Variants in NCKAP1 observed in about 807,000 individuals in gnomAD.
The protein encoded by NCKAP1 is nck-associated protein 1.
A neutral mutation model predicts 151.2 loss-of-function variants in NCKAP1; 21 were observed. The ratio of observed to expected loss-of-function variants is 0.14; its 90% CI spans 0.10 to 0.20. The LOEUF (loss-of-function observed/expected upper bound fraction) is 0.20. Among genes scored for constraint, NCKAP1 ranks in the 10% least tolerant of loss-of-function variants. The pLI is 1.00. For synonymous variants in NCKAP1, 484 were observed against 451.8 expected (o/e 1.07, Z -0.90); for missense variants, 933 against 1,352.1 (o/e 0.69, Z 4.86).
chr2:183,006,074 T>C (rs928611346), intron 2 of NCKAP1, among the ~76,000 whole-genome samples: 1 of 152,218 alleles, frequency 6.6e-6, no homozygotes, highest in Admixed American at 6.5e-5. Flanking sequence ...CCCCAGTCCA[T>C]ATCATACAGT....
intron 8 of NCKAP1, among the ~76,000 whole-genome samples, 199 bp from the exon 9 acceptor site, chr2:182,989,385 A>T (rs1173187735): frequency 6.6e-6 from 1 of 152,162 alleles, no homozygotes; most frequent in African/African-American, 2.4e-5. Context: ...CTGCAAAACC[A>T]GTTATTTGAA....
intron 26 of NCKAP1, among the ~76,000 whole-genome samples, chr2:182,931,373 A>T (rs1241673351): frequency 1.3e-5 from 2 of 152,104 alleles, no homozygotes; most frequent in Non-Finnish European, 2.9e-5. Context: ...TATCTATATA[A>T]CTGGTTACCT....
In NCKAP1 at chr2:182,925,674, C is replaced by A. The variant is rs370261738; in HGVS notation, c.*28G>T. The stretch of plus-strand genomic sequence containing the variant: ...AGGTAAAACCAAGGCAACAAAAATG[C>A]GTGCTTATCTTGATTAAGTAGGTAA... On this transcript the variant is annotated 3_prime_UTR_variant, in exon 31 of 31. Transcript: ENST00000361354. The A allele has an allele frequency of 2.2e-6, 3 of 1,367,084 alleles. No individual in the cohort carries two copies. Among genetic ancestry groups the A allele is most frequent in the Admixed American group, 2.2e-5 (1 of 44,708 alleles). 84.7% of individuals were successfully genotyped at this position (1,367,084 alleles called of 1,614,324 possible).
At chr2:182,942,006 C>G (rs377666966) in intron 24 of NCKAP1, 64 bp downstream of exon 24, 1 of 1,322,732 alleles carries the variant, frequency 7.6e-7, no homozygotes. Flanking sequence ...AAATTTTGAG[C>G]CAAAGCTAAA....
chr2:183,011,189 G>A (rs1039036575), intron 2 of NCKAP1, among the ~76,000 whole-genome samples: 2 of 152,134 alleles, frequency 1.3e-5, no homozygotes, highest in Non-Finnish European at 2.9e-5. Flanking sequence ...TGCCTAACCG[G>A]ACTCAACAAG....
intron 1 of NCKAP1, among the ~76,000 whole-genome samples, chr2:183,031,601 T>C (rs910276573): frequency 1.2e-4 from 19 of 152,218 alleles, no homozygotes; most frequent in Non-Finnish European, 2.4e-4. Flanking sequence ...ATTTATTAAG[T>C]GTCCACTATG....
In NCKAP1 at chr2:182,924,708, T is replaced by C. The variant is rs1559067440; in HGVS notation, c.*994A>G. On this transcript the variant is annotated 3_prime_UTR_variant, in exon 31 of 31. Transcript: ENST00000361354. ...GTAATTTTATTTTCTAATTTTGGTA[T>C]TTTTTTCAATAAAATGTTTTTTAAA... 1 of 152,178 alleles carries C rather than the reference T, an allele frequency of 6.6e-6. No individual in the cohort carries two copies. The highest frequency in any genetic ancestry group is 2.4e-5 in the African/African-American group (1 of 41,464). 9.4% of individuals were successfully genotyped at this position (152,178 alleles called of 1,614,324 possible). A position where few individuals can be genotyped will look rare whatever the true frequency, so the allele number is the denominator to read the frequency against.
intron 24 of NCKAP1, among the ~76,000 whole-genome samples, chr2:182,940,115 G>A (rs1350816856): frequency 1.3e-5 from 2 of 152,130 alleles, no homozygotes; most frequent in African/African-American, 4.8e-5. Context: ...GAACACTGCA[G>A]CGGATTATTT....
In NCKAP1 at chr2:182,976,943, C is replaced by T; in HGVS notation, c.1432G>A (p.Gly478Arg). 6.5e-7 allele frequency: 1 copy of T among 1,530,374 alleles called. No individual in the cohort carries two copies. The highest frequency in any genetic ancestry group is 1.3e-5 in the South Asian group (1 of 79,010). 94.8% of individuals were successfully genotyped at this position (1,530,374 alleles called of 1,614,324 possible). The change falls in exon 15 of 31, where the codon GGG (glycine) becomes AGG (arginine). Residue 478 changes from glycine to arginine, a missense_variant. By Grantham distance (125) the Gly-to-Arg change is moderately radical (BLOSUM62 -2). Coordinates refer to ENST00000361354, the MANE Select transcript of NCKAP1 (RefSeq NM_013436.5). ...ATTCCTCTGAAATCAAATACTTCCC[C>T]ATCTTCAACTGTAGTAATAGAAAAA... ...TSLSVKQVED[G>R]EVFDFRGMRL...
At chr2:182,972,166 A>G (rs535328526) in intron 15 of NCKAP1, among the ~76,000 whole-genome samples, 3 of 148,262 alleles carry the variant, frequency 2.0e-5, no homozygotes, top group African/African-American at 7.4e-5. Context: ...TCTACGAACT[A>G]TTCAACAGAC....
At chr2:182,973,949 AGCT>A (rs1395351396) in intron 15 of NCKAP1, among the ~76,000 whole-genome samples, 9 of 152,242 alleles carry the variant, frequency 5.9e-5, no homozygotes, top group African/African-American at 1.4e-4. Context: ...TCAGATTTTC[AGCT>A]GCTATTTTTT....
rs1486104943 is a variant in NCKAP1 at position 182,967,290 on chromosome 2, T to C, written c.1554A>G (p.Thr518=). 2 of 1,611,884 alleles carry C rather than the reference T, an allele frequency of 1.2e-6. No individual in the cohort carries two copies. Among genetic ancestry groups the C allele is most frequent in the Admixed American group, 1.7e-5 (1 of 59,864 alleles). The change falls in exon 16 of 31, where the codon ACA becomes ACG. Residue 518 remains threonine (T), a synonymous_variant. Coordinates refer to ENST00000361354, the MANE Select transcript of NCKAP1 (RefSeq NM_013436.5). ...DHRELGKMMN[T]IIFHTKMVDS... ...CTACCATTTTTGTATGAAAAATTAT[T>C]GTATTCATCATCTTTCCAAGTTCTC...
chr2:183,009,425 A>G (rs1009869120), intron 2 of NCKAP1, among the ~76,000 whole-genome samples: 16 of 58,056 alleles, frequency 2.8e-4, no homozygotes, highest in African/African-American at 1.1e-3. Context: ...AGGGAAGGGA[A>G]GGAAGGAAGG....
intron 9 of NCKAP1, 110 bp downstream of exon 9, chr2:182,988,920 G>A (rs1698110805): frequency 1.1e-6 from 1 of 892,162 alleles, no homozygotes; most frequent in Admixed American, 2.7e-5. Context: ...GATGGTATAG[G>A]CTGTATCTTC....
rs894430210 is a variant in NCKAP1 at position 182,920,281 on chromosome 2, C to T, written c.*5421G>A. On this transcript the variant is annotated 3_prime_UTR_variant, in exon 31 of 31. Transcript: ENST00000361354. ...GAACCACTGTGCCTGGCCACCAGTACTTCTTACGTAATACTTGCTGTAGAG... is the reference window on the plus strand; with the variant it reads ...GAACCACTGTGCCTGGCCACCAGTATTTCTTACGTAATACTTGCTGTAGAG... 1 of 152,162 alleles carries T rather than the reference C, an allele frequency of 6.6e-6. No homozygotes were observed. The highest frequency in any genetic ancestry group is 2.4e-5 in the African/African-American group (1 of 41,410). The allele number at this position is 152,162 out of a possible 1,614,324, so 9.4% of individuals were successfully genotyped here.
At chr2:183,016,120 T>C (rs1424707467) in intron 2 of NCKAP1, among the ~76,000 whole-genome samples, 2 of 152,172 alleles carry the variant, frequency 1.3e-5, no homozygotes, top group Non-Finnish European at 2.9e-5. Context: ...AAAATAGAAG[T>C]TCCCTCTGAG....
chr2:182,992,194 T>C (rs1314880664), intron 8 of NCKAP1, among the ~76,000 whole-genome samples: 4 of 152,180 alleles, frequency 2.6e-5, no homozygotes, highest in African/African-American at 9.7e-5. Context: ...AGACTACCTA[T>C]TGAAGAAAAA....
At chr2:183,016,090 A>G (rs963956949) in intron 2 of NCKAP1, among the ~76,000 whole-genome samples, 1 of 152,158 alleles carries the variant, frequency 6.6e-6, no homozygotes, top group Non-Finnish European at 1.5e-5. Context: ...TAGTTCTAGC[A>G]GTAACCTGTA....
Position 183,003,012 on chromosome 2 carries a change from G to T in NCKAP1, c.331C>A (p.Leu111Met). Residue 111 changes from leucine (L) to methionine (M), a missense_variant, in exon 4 of 31, where the codon CTG becomes ATG. By Grantham distance (15) the Leu-to-Met change is conservative (BLOSUM62 2). Coordinates refer to ENST00000361354, the MANE Select transcript of NCKAP1 (RefSeq NM_013436.5). ...ACTTGGCAAACGTCAATAGTATTCAGCAATTCACAAACATGGTCCTGAAAA... is the reference window on the plus strand; with the variant it reads ...ACTTGGCAAACGTCAATAGTATTCATCAATTCACAAACATGGTCCTGAAAA... ...MEFKDHVCEL[L>M]NTIDVCQVFF... The T allele has an allele frequency of 6.2e-7, 1 of 1,608,124 alleles. No individual in the cohort carries two copies. The highest frequency in any genetic ancestry group is 1.1e-5 in the South Asian group (1 of 90,292).
Sources: gnomAD v4.1 joint callset for allele counts (sites outside exome capture counted in the v4.1 genomes callset) on GRCh38, gnomAD v4.1.1 for gene constraint, MANE v1.5 for transcripts, NCBI Gene and HGNC (gene_info 2026-07-23, HGNC 2026-07-21) for gene names.